The following SOX5 variants were observed in gnomAD, a reference collection of about 807,000 sequenced individuals.
SOX5 encodes transcription factor SOX-5.
Under a neutral mutation model 92.0 loss-of-function variants are expected in SOX5, and 9 were observed. That is an observed-to-expected ratio of 0.10 (90% CI 0.06 to 0.17). The LOEUF is 0.17. SOX5 is among the 10% of genes least tolerant of loss of function. The pLI, the probability that SOX5 is intolerant of heterozygous loss-of-function variation, is 1.00. For missense variants in SOX5, 642 were observed against 944.5 expected (o/e 0.68, Z 4.20); for synonymous variants, 344 against 336.3 (o/e 1.02, Z -0.25).
upstream of SOX5, chr12:23,950,811 A>G (rs894935281): frequency 2.1e-6 from 3 of 1,457,204 alleles, no homozygotes; most frequent in African/African-American, 4.2e-5. Flanking sequence ...GTAATCAGGT[A>G]ATGTACCTTT....
intron 4 of SOX5, among the ~76,000 whole-genome samples, chr12:23,751,134 T>C (rs542016257): frequency 2.6e-4 from 39 of 152,028 alleles, no homozygotes; most frequent in African/African-American, 9.4e-4. Context: ...ATTTACTTTA[T>C]TTAGAAGTAA....
chr12:23,788,542 A>C (rs956289014), intron 3 of SOX5, among the ~76,000 whole-genome samples: 3 of 151,974 alleles, frequency 2.0e-5, no homozygotes, highest in African/African-American at 7.2e-5. Context: ...GGTTTAATAA[A>C]AGCAATTGTA....
intron 3 of SOX5, among the ~76,000 whole-genome samples, chr12:24,274,395 A>C (rs1944167101): frequency 6.6e-6 from 1 of 152,202 alleles, no homozygotes; most frequent in Non-Finnish European, 1.5e-5. Flanking sequence ...TTTGGGCTTT[A>C]AAGTCTATTT....
intron 8 of SOX5, among the ~76,000 whole-genome samples, chr12:23,619,489 A>G (rs1379332371): frequency 6.6e-6 from 1 of 152,148 alleles, no homozygotes; most frequent in Admixed American, 6.6e-5. Context: ...AATCTTTTTG[A>G]CTTTTTACAG....
chr12:23,679,554 T>G (rs2086251006), intron 6 of SOX5, among the ~76,000 whole-genome samples: 1 of 152,166 alleles, frequency 6.6e-6, no homozygotes, highest in African/African-American at 2.4e-5. Context: ...ATAAAAATAA[T>G]GTACTACTAT....
intron 4 of SOX5, among the ~76,000 whole-genome samples, chr12:23,967,557 C>T (rs12301614): frequency 0.52 from 79,561 of 151,670 alleles, 21,244 homozygotes; most frequent in East Asian, 0.62. Flanking sequence ...ACTTTTCTGA[C>T]TAAAAACAAT....
intron 4 of SOX5, among the ~76,000 whole-genome samples, chr12:24,032,659 A>C (rs1279598591): frequency 6.6e-6 from 1 of 151,920 alleles, no homozygotes; most frequent in Admixed American, 6.6e-5. Flanking sequence ...CAACCAGGCC[A>C]TGCCAGGTAA....
intron 1 of SOX5, among the ~76,000 whole-genome samples, chr12:24,466,945 A>T (rs1182828631): frequency 6.6e-6 from 1 of 152,222 alleles, no homozygotes. Flanking sequence ...GAGCACCAAA[A>T]CAATTCAGTC....
At chr12:23,640,412 T>C (rs990858250) in intron 8 of SOX5, among the ~76,000 whole-genome samples, 1 of 152,210 alleles carries the variant, frequency 6.6e-6, no homozygotes, top group African/African-American at 2.4e-5. Context: ...ATTTCAATGA[T>C]ACTGGGCATC....
At chr12:24,143,034 C>T (rs1236979653) in intron 4 of SOX5, among the ~76,000 whole-genome samples, 1 of 152,034 alleles carries the variant, frequency 6.6e-6, no homozygotes. Context: ...AAAGCCTATT[C>T]TGACCAGCTA....
At chr12:23,817,847 A>T (rs1023681739) in intron 3 of SOX5, among the ~76,000 whole-genome samples, 1 of 152,214 alleles carries the variant, frequency 6.6e-6, no homozygotes, top group Non-Finnish European at 1.5e-5. Context: ...GAACAACTTG[A>T]GAACAGGAAC....
intron 1 of SOX5, among the ~76,000 whole-genome samples, chr12:24,464,630 C>A (rs1047926966): frequency 6.6e-5 from 10 of 152,136 alleles, no homozygotes; most frequent in African/African-American, 2.4e-4. Context: ...CGTGAGCCAC[C>A]GCACCCGGTC....
At position 23,846,311 on chromosome 12, in the gene SOX5, A is replaced by C. The variant is rs569512469; in HGVS notation, c.271-118T>G. The C allele has an allele frequency of 9.7e-6, 8 of 824,560 alleles. No homozygotes were observed. The East Asian group carries it at 2.1e-4, about 22-fold the overall frequency. The allele number at this position is 824,560 out of a possible 1,614,324, so 51.1% of individuals were successfully genotyped here. A position where few individuals can be genotyped will look rare whatever the true frequency, so the allele number is the denominator to read the frequency against. On this transcript the variant is annotated intron_variant, in intron 2 of 14. Coordinates refer to ENST00000451604, the MANE Select transcript of SOX5 (RefSeq NM_006940.6). The stretch of plus-strand genomic sequence containing the variant: ...ACAAATAATTGTTTAAAATTCAGTA[A>C]CTTTAAAAAATTGGTTATATGGCTT...
At chr12:23,904,463 A>T (rs12833233) in intron 1 of SOX5, among the ~76,000 whole-genome samples, 16,465 of 152,244 alleles carry the variant, frequency 0.11, 1,038 homozygotes, top group Non-Finnish European at 0.14. Context: ...ATAATAAAAA[A>T]GATAAACTTC....
At chr12:24,353,380 C>A (rs553364581) in intron 2 of SOX5, among the ~76,000 whole-genome samples, 8 of 152,152 alleles carry the variant, frequency 5.3e-5, no homozygotes, top group Non-Finnish European at 8.8e-5. Flanking sequence ...CTCTGTAGAA[C>A]TACACACTTT....
rs1470831373 is a variant in SOX5, at chr12:24,134,756, G to T, written c.-2+78587C>A. 4.6e-5 allele frequency among the ~76,000 whole-genome samples: 7 copies of T among 152,250 alleles called. No individual in the cohort carries two copies. In the East Asian group the frequency reaches 9.6e-4, roughly 21 times the overall value. ...CCAGTGACGCAAGGCAAAGAAAGCT[G>T]CCCAAAGGAAAAGTAAAAATAAGTG... On this transcript the variant is annotated intron_variant, in intron 4 of 4. Coordinates refer to the SOX5 transcript ENST00000446891.
chr12:23,635,826 C>T (rs147224526), intron 8 of SOX5, among the ~76,000 whole-genome samples: 119 of 151,870 alleles, frequency 7.8e-4, no homozygotes, highest in East Asian at 3.5e-3. Context: ...AAATGAGTGA[C>T]AATTATGATG....
chr12:23,841,319 A>G (rs2096512040), intron 3 of SOX5, among the ~76,000 whole-genome samples: 1 of 152,134 alleles, frequency 6.6e-6, no homozygotes, highest in Non-Finnish European at 1.5e-5. Flanking sequence ...TTCTGATGAG[A>G]ATGTGGAACA....
intron 1 of SOX5, among the ~76,000 whole-genome samples, chr12:23,933,723 C>T (rs1414571545): frequency 1.3e-5 from 2 of 151,530 alleles, no homozygotes; most frequent in Non-Finnish European, 3.0e-5. Flanking sequence ...CACCAGGATG[C>T]TCTTCAGGTA....
Sources: gnomAD v4.1 joint callset for allele counts (sites outside exome capture counted in the v4.1 genomes callset) on GRCh38, gnomAD v4.1.1 for gene constraint, MANE v1.5 for transcripts, NCBI Gene and HGNC (gene_info 2026-07-23, HGNC 2026-07-21) for gene names.